Variants in NELL2 observed in about 807,000 individuals in gnomAD.
The protein encoded by NELL2 is protein kinase C-binding protein NELL2.
Under a neutral mutation model 109.6 loss-of-function variants are expected in NELL2, and 41 were observed. The observed-to-expected ratio is 0.37, with a 90% CI of 0.29 to 0.49. The LOEUF is 0.49. Among genes scored for constraint, NELL2 ranks in the 20% least tolerant of loss-of-function variants. The pLI, the probability that NELL2 is intolerant of heterozygous loss-of-function variation, is 0.98. For missense variants in NELL2, 900 were observed against 1,008.3 expected (o/e 0.89, Z 1.45); for synonymous variants, 355 against 344.7 (o/e 1.03, Z -0.33).
intron 3 of NELL2, among the ~76,000 whole-genome samples, chr12:44,787,895 A>C (rs1476838760): frequency 2.0e-5 from 3 of 152,202 alleles, no homozygotes; most frequent in Non-Finnish European, 4.4e-5. Context: ...ATTTAAGTCT[A>C]CACAATGAGT....
At chr12:44,723,190 C>G (rs1341854557) in intron 9 of NELL2, among the ~76,000 whole-genome samples, 2 of 125,608 alleles carry the variant, frequency 1.6e-5, no homozygotes, top group Non-Finnish European at 3.5e-5. Flanking sequence ...GACTCCGTCT[C>G]AAAAAAAAAA....
At chr12:44,916,307 G>A (rs1945828523), upstream of NELL2, among the ~76,000 whole-genome samples, 1 of 152,058 alleles carries the variant, frequency 6.6e-6, no homozygotes, top group South Asian at 2.1e-4. Flanking sequence ...TAGTTTAAAG[G>A]CAAGAAAGTT....
chr12:44,513,360 A>C (rs973095178), intron 19 of NELL2, among the ~76,000 whole-genome samples: 8 of 151,960 alleles, frequency 5.3e-5, no homozygotes, highest in African/African-American at 1.9e-4. Flanking sequence ...ATCATCCATC[A>C]TATCCAATAT....
intron 13 of NELL2, among the ~76,000 whole-genome samples, chr12:44,637,277 G>C: frequency 6.6e-6 from 1 of 151,122 alleles, no homozygotes; most frequent in Non-Finnish European, 1.5e-5. Context: ...GTTATTTCTT[G>C]TCTTCTGCTA....
intron 16 of NELL2, among the ~76,000 whole-genome samples, chr12:44,526,688 G>A (rs867388996): frequency 1.3e-5 from 2 of 152,216 alleles, no homozygotes; most frequent in African/African-American, 4.8e-5. Context: ...GATTTCTGGC[G>A]TGGAAAATAT....
At chr12:44,689,819 C>T (rs1299914817) in intron 12 of NELL2, among the ~76,000 whole-genome samples, 1 of 152,098 alleles carries the variant, frequency 6.6e-6, no homozygotes, top group Non-Finnish European at 1.5e-5. Flanking sequence ...GCTAAACATC[C>T]TACAATGCAC....
intron 10 of NELL2, 92 bp from the exon 11 acceptor site, chr12:44,711,486 G>T: frequency 1.8e-6 from 2 of 1,117,668 alleles, no homozygotes; most frequent in South Asian, 1.4e-5. Flanking sequence ...ACTCTTTTAA[G>T]ATCAAGAAAT....
At chr12:44,520,404 T>TATCA (rs1235689561) in intron 18 of NELL2, among the ~76,000 whole-genome samples, 175 bp from the exon 19 acceptor site, 2 of 152,210 alleles carry the variant, frequency 1.3e-5, no homozygotes, top group Non-Finnish European at 2.9e-5. Context: ...ACAAAAGCCC[T>TATCA]ATCAGAATGA....
At chr12:44,637,355 A>G (rs1355107745) in intron 13 of NELL2, among the ~76,000 whole-genome samples, 1 of 150,728 alleles carries the variant, frequency 6.6e-6, no homozygotes, top group African/African-American at 2.4e-5. Flanking sequence ...CACCTACCCT[A>G]TATGAGGCAC....
At chr12:44,891,319 G>T (rs1001502009) in intron 1 of NELL2, among the ~76,000 whole-genome samples, 1 of 152,122 alleles carries the variant, frequency 6.6e-6, no homozygotes, top group African/African-American at 2.4e-5. Context: ...GATACCTAAG[G>T]CCATGGGAGC....
chr12:44,901,339 A>G (rs983674821), intron 1 of NELL2, among the ~76,000 whole-genome samples: 5 of 152,192 alleles, frequency 3.3e-5, no homozygotes, highest in African/African-American at 1.2e-4. Flanking sequence ...CCCTCCCAAG[A>G]CTAAACCAGG....
upstream of NELL2, chr12:44,876,418 G>A (rs1357983305): frequency 1.4e-5 from 18 of 1,277,202 alleles, no homozygotes; most frequent in South Asian, 3.8e-4. Flanking sequence ...CCGAGGGCGA[G>A]GCCGGCGCTC....
In NELL2 at chr12:44,597,310, C is replaced by T. The variant is rs1945005282; in HGVS notation, c.1663+9859G>A. 2.6e-5 allele frequency among the ~76,000 whole-genome samples: 4 copies of T among 152,154 alleles called. No homozygotes were observed. In the South Asian group the frequency reaches 6.2e-4, roughly 24 times the overall value. On this transcript the variant is annotated intron_variant, in intron 15 of 19. Coordinates refer to ENST00000429094, the MANE Select transcript of NELL2 (RefSeq NM_001145108.2). The stretch of plus-strand genomic sequence containing the variant: ...TTCCTGATGAAGATTTATTCAACTA[C>T]CCTCTTATATCTGCCAGGACTTTCA...
At chr12:44,567,557 A>G (rs1943707674) in intron 15 of NELL2, among the ~76,000 whole-genome samples, 1 of 152,206 alleles carries the variant, frequency 6.6e-6, no homozygotes, top group African/African-American at 2.4e-5. Context: ...AGGCTAAAAC[A>G]AGGGAACAAG....
At chr12:44,901,140 G>C (rs1945655580) in intron 1 of NELL2, among the ~76,000 whole-genome samples, 1 of 151,964 alleles carries the variant, frequency 6.6e-6, no homozygotes, top group African/African-American at 2.4e-5. Flanking sequence ...TAACAACATA[G>C]ATAGACCACT....
intron 2 of NELL2, among the ~76,000 whole-genome samples, chr12:44,843,289 T>G (rs1185751624): frequency 1.3e-5 from 2 of 151,638 alleles, no homozygotes; most frequent in South Asian, 4.2e-4. Context: ...GAATGGCAAA[T>G]AAATACATGA....
rs1055409483 is a variant in NELL2, at chr12:44,898,664, A to C, written c.38+15135T>G. Among the ~76,000 whole-genome samples the C allele has an allele frequency of 5.9e-5, 9 of 152,288 alleles. No homozygotes were observed. In the East Asian group the frequency reaches 7.7e-4, roughly 13 times the overall value. On this transcript the variant is annotated intron_variant, in intron 1 of 20. Transcript: ENST00000333837. ...GAAGATGAGGAAAACCAGGCACAAA[A>C]AGTTGAAAATTCCAAAAACCAGAAG...
chr12:44,602,215 A>T (rs1437354384), intron 15 of NELL2, among the ~76,000 whole-genome samples: 1 of 152,136 alleles, frequency 6.6e-6, no homozygotes, highest in Non-Finnish European at 1.5e-5. Flanking sequence ...CACTTTTATC[A>T]CTGGAGACAG....
intron 15 of NELL2, among the ~76,000 whole-genome samples, chr12:44,558,780 G>GT (rs1198556826): frequency 2.6e-5 from 4 of 152,134 alleles, no homozygotes; most frequent in African/African-American, 9.7e-5. Context: ...GCTGCAGGAG[G>GT]TTTTTTTCAT....
Sources: allele counts gnomAD v4.1 joint callset (sites outside exome capture counted in the v4.1 genomes callset), GRCh38; gene constraint gnomAD v4.1.1; transcripts MANE v1.5; gene names NCBI Gene and HGNC (gene_info 2026-07-23, HGNC 2026-07-21).